Variants in ENOX2 observed in about 807,000 individuals in gnomAD.
ENOX2 encodes the protein APK1 antigen.
Under a neutral mutation model 45.0 loss-of-function variants are expected in ENOX2, and 36 were observed. The ratio of observed to expected loss-of-function variants is 0.80; its 90% CI spans 0.61 to 1.06. The LOEUF is 1.06. Among genes scored for constraint, ENOX2 ranks in the 50% least tolerant of loss-of-function variants. The pLI, the probability that ENOX2 is intolerant of heterozygous loss-of-function variation, is 0.00. For missense variants in ENOX2, 423 were observed against 462.5 expected, an observed-to-expected ratio of 0.91 and a Z score of 0.78; for synonymous variants, 174 against 152.3, an observed-to-expected ratio of 1.14 and a Z score of -1.05.
At chrX:130,821,104 T>A (rs80009061) in intron 2 of ENOX2, among the ~76,000 whole-genome samples, 6 of 111,937 alleles carry the variant, frequency 5.4e-5, no homozygotes, top group South Asian at 7.5e-4. Flanking sequence ...AAATTTTTTT[T>A]AAAAAAGAAA....
intron 2 of ENOX2, among the ~76,000 whole-genome samples, chrX:130,874,609 C>T (rs186920692): frequency 2.8e-4 from 31 of 112,048 alleles, no homozygotes; most frequent in Non-Finnish European, 4.3e-4. Flanking sequence ...TCCAAAATCT[C>T]AATAAGCTCA....
At chrX:130,647,101 A>G (rs1336533775) in intron 10 of ENOX2, among the ~76,000 whole-genome samples, 2 of 112,056 alleles carry the variant, frequency 1.8e-5, no homozygotes, top group Non-Finnish European at 3.8e-5. Context: ...CATATACCCT[A>G]TGGAGAGCAC....
chrX:130,632,681 G>C (rs1016800444), intron 12 of ENOX2, among the ~76,000 whole-genome samples: 1 of 111,796 alleles, frequency 8.9e-6, no homozygotes, highest in Non-Finnish European at 1.9e-5. Flanking sequence ...TTTCTTCAAA[G>C]ATGTCTTCAA....
At chrX:130,842,886 C>T (rs2078038740) in intron 2 of ENOX2, among the ~76,000 whole-genome samples, 1 of 110,886 alleles carries the variant, frequency 9.0e-6, no homozygotes, top group African/African-American at 3.3e-5. Flanking sequence ...TTCATGGATA[C>T]ACCTCAAGAG....
At chrX:130,892,223 T>C (rs1013919551) in intron 2 of ENOX2, among the ~76,000 whole-genome samples, 1 of 112,344 alleles carries the variant, frequency 8.9e-6, no homozygotes, top group African/African-American at 3.2e-5. Context: ...CAGATATAGT[T>C]TGGAAGGTTT....
chrX:130,887,629 T>A (rs991941699), intron 2 of ENOX2, among the ~76,000 whole-genome samples: 3 of 111,486 alleles, frequency 2.7e-5, no homozygotes, highest in African/African-American at 9.8e-5. Context: ...CGGACACTTA[T>A]AGGCTGAATT....
At position 130,643,430 on chromosome X, in the gene ENOX2, G is replaced by A. The variant is rs759172125; in HGVS notation, c.1130-6020C>T. Among the ~76,000 whole-genome samples, 20 of 110,834 alleles carry A rather than the reference G, an allele frequency of 1.8e-4. No homozygotes were observed. The South Asian group carries it at 7.7e-3, about 43-fold the overall frequency. ...GATTAAAAAATAAGACCCAACCATAGGTTGCCTACAAGAAATCTGCTTTAA... is the reference window on the plus strand; with the variant it reads ...GATTAAAAAATAAGACCCAACCATAAGTTGCCTACAAGAAATCTGCTTTAA... On this transcript the variant is annotated intron_variant, in intron 10 of 14. Coordinates refer to ENST00000394363, the MANE Select transcript of ENOX2 (RefSeq NM_006375.4).
At chrX:130,830,067 A>G (rs1317636251) in intron 2 of ENOX2, among the ~76,000 whole-genome samples, 2 of 111,601 alleles carry the variant, frequency 1.8e-5, no homozygotes, top group African/African-American at 6.5e-5. Flanking sequence ...CTTGCATCAC[A>G]GCCCAGGCCT....
intron 2 of ENOX2, among the ~76,000 whole-genome samples, chrX:130,844,956 A>C (rs752526407): frequency 8.9e-6 from 1 of 112,514 alleles, no homozygotes; most frequent in Non-Finnish European, 1.9e-5. Context: ...ATACGCTTCC[A>C]TTTAGTTCTC....
At chrX:130,670,690 T>C (rs967479661) in intron 6 of ENOX2, among the ~76,000 whole-genome samples, 6 of 109,533 alleles carry the variant, frequency 5.5e-5, no homozygotes, top group African/African-American at 1.7e-4. Flanking sequence ...TAAAATTGCT[T>C]CCTAGAAGCA....
At position 130,836,229 on chromosome X, in the gene ENOX2, G is replaced by T. The variant is rs181479413; in HGVS notation, c.-182-52539C>A. Reference sequence around the variant, plus strand: ...AATAAAAATGTTTCTAATAATAAAAGTCTCAGACTTTGTTTCTGAAATATC... The same window carrying T: ...AATAAAAATGTTTCTAATAATAAAATTCTCAGACTTTGTTTCTGAAATATC... On this transcript the variant is annotated intron_variant, in intron 2 of 14. Transcript: ENST00000394363. 9.8e-5 allele frequency among the ~76,000 whole-genome samples: 11 copies of T among 111,925 alleles called. No homozygotes were observed. In the East Asian group the frequency reaches 3.1e-3, roughly 31 times the overall value.
intron 3 of ENOX2, among the ~76,000 whole-genome samples, chrX:130,724,319 A>G (rs1188265605): frequency 8.9e-6 from 1 of 112,631 alleles, no homozygotes; most frequent in Non-Finnish European, 1.9e-5. Context: ...CAAAATATTC[A>G]AACACCAGCA....
intron 6 of ENOX2, among the ~76,000 whole-genome samples, chrX:130,675,486 T>C (rs1166434157): frequency 8.9e-6 from 1 of 112,387 alleles, no homozygotes; most frequent in Non-Finnish European, 1.9e-5. Flanking sequence ...GACAAACATC[T>C]TTCAAAAAGA....
At position 130,647,422 on chromosome X, in the gene ENOX2, T is replaced by TTC. The variant is rs2036264689; in HGVS notation, c.1129+9158_1129+9159insGA. Among the ~76,000 whole-genome samples, 6 of 112,551 alleles carry TTC rather than the reference T, an allele frequency of 5.3e-5. No homozygotes were observed. The Admixed American group carries it at 5.6e-4, about 11-fold the overall frequency. ...ATTAGAGTGCTGCAAGAGAAGAGTC[T>TTC]TACTCCTACCCTGAGTGGGAGATGA... On this transcript the variant is annotated intron_variant, in intron 10 of 14. Coordinates refer to ENST00000394363, the MANE Select transcript of ENOX2 (RefSeq NM_006375.4).
intron 9 of ENOX2, among the ~76,000 whole-genome samples, 194 bp downstream of exon 9, chrX:130,665,449 C>T (rs1363995075): frequency 3.6e-5 from 4 of 112,187 alleles, no homozygotes; most frequent in Admixed American, 9.4e-5. Flanking sequence ...AGCACAAGCA[C>T]ATTTATTACC....
At chrX:130,853,024 G>A (rs2078239039) in intron 2 of ENOX2, among the ~76,000 whole-genome samples, 1 of 110,228 alleles carries the variant, frequency 9.1e-6, no homozygotes. Flanking sequence ...CAAAGGTGGA[G>A]AAAAAAAGTA....
chrX:130,656,767 T>A, intron 9 of ENOX2, 72 bp from the exon 10 acceptor site: 1 of 620,436 alleles, frequency 1.6e-6, no homozygotes, highest in Non-Finnish European at 2.6e-6. Flanking sequence ...GAGTTAAGGA[T>A]AAGATAAAGC....
At chrX:130,671,656 A>T (rs145307962) in intron 6 of ENOX2, among the ~76,000 whole-genome samples, 9 of 111,864 alleles carry the variant, frequency 8.0e-5, no homozygotes, top group African/African-American at 2.9e-4. Flanking sequence ...ATCCCTGAAA[A>T]GCTCCCACAG....
intron 2 of ENOX2, among the ~76,000 whole-genome samples, chrX:130,819,130 A>C (rs2077545292): frequency 8.9e-6 from 1 of 112,631 alleles, no homozygotes; most frequent in South Asian, 3.7e-4. Flanking sequence ...AAAAAAGCTC[A>C]TCATCACCAG....
Sources: gnomAD v4.1 joint callset for allele counts (sites outside exome capture counted in the v4.1 genomes callset) on GRCh38, gnomAD v4.1.1 for gene constraint, MANE v1.5 for transcripts, NCBI Gene and HGNC (gene_info 2026-07-23, HGNC 2026-07-21) for gene names.